The following AXIN1 variants were observed in gnomAD, a reference collection of about 807,000 sequenced individuals.
AXIN1 encodes axin-1.
A neutral mutation model predicts 76.4 loss-of-function variants in AXIN1; 30 were observed. The ratio of observed to expected loss-of-function variants is 0.39; its 90% CI spans 0.29 to 0.53. The LOEUF (loss-of-function observed/expected upper bound fraction) is 0.53, where lower values mean the gene tolerates loss of function less well. Ranked by LOEUF, AXIN1 falls within the 20% of genes least tolerant of loss-of-function variation. The pLI is 0.66. For synonymous variants in AXIN1, 545 were observed against 501.4 expected (o/e 1.09, Z -1.16); for missense variants, 1,140 against 1,198.8 (o/e 0.95, Z 0.72).
Position 347,030 on chromosome 16 carries a change from G to T in AXIN1, c.-5C>A, listed in dbSNP as rs578029502. The T allele has an allele frequency of 5.6e-6, 9 of 1,614,004 alleles. No individual in the cohort carries two copies. In the African/African-American group the frequency reaches 1.2e-4, roughly 22 times the overall value. On this transcript the variant is annotated 5_prime_UTR_variant, in exon 2 of 11. Transcript: ENST00000262320. ...ACCCTGCTCTTGGATATTCATTTTG[G>T]GACTCTGCGTCAAGGAACAATGAGC...
chr16:289,235 T>C (rs1486143229), intron 10 of AXIN1, among the ~76,000 whole-genome samples: 1 of 152,040 alleles, frequency 6.6e-6, no homozygotes. Flanking sequence ...GCTAATTTCT[T>C]TAGTATTTTT....
chr16:300,718 G>A (rs1181831827), intron 5 of AXIN1, among the ~76,000 whole-genome samples: 1 of 152,142 alleles, frequency 6.6e-6, no homozygotes, highest in Non-Finnish European at 1.5e-5. Context: ...GGCATCCCCT[G>A]GCGGATGCAG....
chr16:287,971 A>T lies in AXIN1; in HGVS notation c.*151T>A. On this transcript the variant is annotated 3_prime_UTR_variant, in exon 11 of 11. Coordinates refer to ENST00000262320, the MANE Select transcript of AXIN1 (RefSeq NM_003502.4). Reference sequence around the variant, plus strand: ...TGTGGACCACTTGGAGGGACCCCCTACCTGCCTCTAGACACGGGTAGACCA... The same window carrying T: ...TGTGGACCACTTGGAGGGACCCCCTTCCTGCCTCTAGACACGGGTAGACCA... The T allele has an allele frequency of 7.5e-7, 1 of 1,336,688 alleles. No individual in the cohort carries two copies. The allele number at this position is 1,336,688 out of a possible 1,614,324, so 82.8% of individuals were successfully genotyped here.
intron 2 of AXIN1, among the ~76,000 whole-genome samples, chr16:329,788 T>A (rs2053657535): frequency 7.0e-6 from 1 of 143,328 alleles, no homozygotes; most frequent in Admixed American, 6.8e-5. Context: ...CTTGCCCGGC[T>A]ATTTTTTTTT....
intron 2 of AXIN1, among the ~76,000 whole-genome samples, chr16:333,539 AT>A (rs889193374): frequency 1.3e-5 from 2 of 152,096 alleles, no homozygotes; most frequent in African/African-American, 4.8e-5. Flanking sequence ...AAAACACAGT[AT>A]TATGAAATAA....
In AXIN1 at chr16:297,996, C is replaced by A. The variant is rs2052763762; in HGVS notation, c.1510G>T (p.Val504Leu). The change falls in exon 6 of 11, where the codon GTG becomes TTG. Residue 504 changes from valine to leucine, a missense_variant. Physicochemically the swap from Val to Leu is conservative, Grantham distance 32. Transcript: ENST00000262320. ...CCCGAGGCGGCACCCCCCAGTGCCA[C>A]TGGCATCTTGGCCACGTGCCCACTG... ...PDSGHVAKMP[V>L]ALGGAASGHG... 1.2e-6 allele frequency: 2 copies of A among 1,600,986 alleles called. No homozygotes were observed. The highest frequency in any genetic ancestry group is 1.7e-6 in the Non-Finnish European group (2 of 1,178,478).
At position 346,343 on chromosome 16, in the gene AXIN1, G is replaced by A. The variant is rs1344591867; in HGVS notation, c.683C>T (p.Ser228Leu). Reference protein sequence around the residue: ...PKVCSDQSSGSGTGKGISGYL... With the variant: ...PKVCSDQSSGLGTGKGISGYL... Reference sequence around the variant, plus strand: ...TCCAGATATGCCCTTCCCTGTCCCTGACCCAGAGCTCTGGTCACTACAGAC... The same window carrying A: ...TCCAGATATGCCCTTCCCTGTCCCTAACCCAGAGCTCTGGTCACTACAGAC... Residue 228 changes from serine to leucine, a missense_variant, in exon 2 of 11, where the codon TCA becomes TTA. This residue lies in a region of AXIN1 where 708 missense variants were observed against 776.9 expected (regional missense o/e 0.91). Transcript: ENST00000262320. 8 of 1,614,034 alleles carry A rather than the reference G, an allele frequency of 5.0e-6. No individual in the cohort carries two copies. In the South Asian group the frequency reaches 8.8e-5, roughly 18 times the overall value.
At chr16:349,187 C>G (rs1184277607) in intron 1 of AXIN1, among the ~76,000 whole-genome samples, 1 of 152,150 alleles carries the variant, frequency 6.6e-6, no homozygotes, top group Non-Finnish European at 1.5e-5. Context: ...CAACTATGTG[C>G]CCCCAATGAC....
intron 2 of AXIN1, among the ~76,000 whole-genome samples, chr16:338,152 G>A (rs1255431839): frequency 1.3e-5 from 2 of 152,204 alleles, no homozygotes; most frequent in Non-Finnish European, 2.9e-5. Context: ...TGCAGGGTAC[G>A]CTGCTACAAA....
At chr16:325,727 G>A (rs1394660365) in intron 2 of AXIN1, among the ~76,000 whole-genome samples, 1 of 152,118 alleles carries the variant, frequency 6.6e-6, no homozygotes, top group Non-Finnish European at 1.5e-5. Flanking sequence ...GAGAAGAAGA[G>A]AGGAGAGCCA....
chr16:319,508 C>T (rs1158298609), intron 2 of AXIN1, among the ~76,000 whole-genome samples: 1 of 152,194 alleles, frequency 6.6e-6, no homozygotes, highest in Non-Finnish European at 1.5e-5. Flanking sequence ...ACCCTATTAG[C>T]TTCAAGGCAA....
intron 1 of AXIN1, among the ~76,000 whole-genome samples, chr16:347,543 G>A (rs1335812638): frequency 1.3e-5 from 2 of 152,160 alleles, no homozygotes; most frequent in Non-Finnish European, 2.9e-5. Flanking sequence ...GGAGACAATC[G>A]CTCCACCAGC....
chr16:325,619 C>T (rs902003984), intron 2 of AXIN1, among the ~76,000 whole-genome samples: 1 of 152,234 alleles, frequency 6.6e-6, no homozygotes, highest in African/African-American at 2.4e-5. Flanking sequence ...CCGCAGGGGC[C>T]GACTGCCAAG....
chr16:331,902 G>T (rs963086194), intron 2 of AXIN1, among the ~76,000 whole-genome samples: 11 of 152,144 alleles, frequency 7.2e-5, no homozygotes, highest in Non-Finnish European at 1.5e-4. Flanking sequence ...CAGCCTCGCT[G>T]AGCCCCTGCT....
chr16:300,870 G>A (rs1470594642), intron 5 of AXIN1, among the ~76,000 whole-genome samples: 1 of 152,166 alleles, frequency 6.6e-6, no homozygotes, highest in South Asian at 2.1e-4. Context: ...GCTCCACATC[G>A]GCAGGAATTC....
intron 2 of AXIN1, among the ~76,000 whole-genome samples, chr16:324,518 A>T (rs2053536058): frequency 6.6e-6 from 1 of 151,818 alleles, no homozygotes; most frequent in African/African-American, 2.4e-5. Context: ...TGTCCCGCAG[A>T]GTTTGTGGAG....
intron 4 of AXIN1, among the ~76,000 whole-genome samples, chr16:305,524 T>C (rs1741476846): frequency 1.3e-5 from 2 of 152,034 alleles, no homozygotes; most frequent in African/African-American, 2.4e-5. Context: ...ATATACCATA[T>C]AGCTTGTTTG....
Position 298,110 on chromosome 16 carries a change from TCTC to T in AXIN1, c.1393_1395del (p.Glu465del). 1 of 1,547,158 alleles carries T rather than the reference TCTC, an allele frequency of 6.5e-7. No homozygotes were observed. The highest frequency in any genetic ancestry group is 8.7e-7 in the Non-Finnish European group (1 of 1,149,592). ...TGCTCGTCCAGGATGCTCTCAGGGT[TCTC>T]CTCGTGTGCATCCCGGAGCCCGGCA... On this transcript the variant is annotated inframe_deletion, in exon 6 of 11. Transcript: ENST00000262320.
chr16:317,657 C>T (rs1170690108), intron 2 of AXIN1, among the ~76,000 whole-genome samples: 3 of 152,220 alleles, frequency 2.0e-5, no homozygotes, highest in African/African-American at 2.4e-5. Flanking sequence ...GTTCACTCCT[C>T]GTCTCCTCTC....
Sources: gnomAD v4.1 joint callset for allele counts (sites outside exome capture counted in the v4.1 genomes callset) on GRCh38, gnomAD v4.1.1 for gene constraint, gnomAD v4.1.1 regional missense constraint, MANE v1.5 for transcripts, NCBI Gene and HGNC (gene_info 2026-07-23, HGNC 2026-07-21) for gene names.